Variants in POF1B observed in about 807,000 individuals in gnomAD.
The protein encoded by POF1B is protein POF1B.
POF1B carries 53 observed loss-of-function variants against 55.3 expected under a neutral mutation model. The ratio of observed to expected loss-of-function variants is 0.96; its 90% CI spans 0.77 to 1.20. The LOEUF is 1.20. Ranked by LOEUF, POF1B falls within the 50% of genes most tolerant of loss-of-function variation. The probability of loss-of-function intolerance (pLI) is 0.00; values close to 1 mark genes in which losing one functional copy is unlikely to be tolerated. For missense variants in POF1B, 478 were observed against 420.5 expected, an observed-to-expected ratio of 1.14 and a Z score of -1.20; for synonymous variants, 188 against 148.3, an observed-to-expected ratio of 1.27 and a Z score of -1.95.
intron 6 of POF1B, among the ~76,000 whole-genome samples, chrX:85,340,718 G>C (rs1324480944): frequency 9.0e-6 from 1 of 110,803 alleles, no homozygotes; most frequent in African/African-American, 3.3e-5. Flanking sequence ...GAAGGACAGA[G>C]AGAGTGACCA....
At chrX:85,306,354 C>T in intron 11 of POF1B, 21 bp from the exon 12 acceptor site, 1 of 1,191,399 alleles carries the variant, frequency 8.4e-7, no homozygotes, top group Non-Finnish European at 1.1e-6. Context: ...GACACAAGTA[C>T]ATAAGACAAA....
intron 15 of POF1B, 93 bp downstream of exon 15, chrX:85,303,311 ACT>A (rs1452332083): frequency 1.9e-6 from 1 of 528,220 alleles, no homozygotes; most frequent in African/African-American, 2.4e-5. Context: ...AAAACACCAA[ACT>A]CTGTCTAGCT....
At position 85,293,717 on chromosome X, in the gene POF1B, T is replaced by C. The variant is rs1481430343; in HGVS notation, c.1649+9689A>G. On this transcript the variant is annotated intron_variant, in intron 15 of 16. Coordinates refer to ENST00000262753, the MANE Select transcript of POF1B (RefSeq NM_024921.4). ...GGCCGGGCATGGTGGCTCATGTCTG[T>C]AATCCCAGCACTTTGGGAGGCCAAG... Among the ~76,000 whole-genome samples the C allele has an allele frequency of 2.1e-4, 24 of 112,125 alleles. No individual in the cohort carries two copies. The Admixed American group carries it at 2.3e-3, about 11-fold the overall frequency.
chrX:85,324,027 G>T (rs1932870057), intron 7 of POF1B, among the ~76,000 whole-genome samples: 1 of 112,026 alleles, frequency 8.9e-6, no homozygotes, highest in African/African-American at 3.2e-5. Context: ...ATATGGTTTT[G>T]AGTGAGTTTC....
At chrX:85,342,584 TAA>T (rs1933193261) in intron 6 of POF1B, among the ~76,000 whole-genome samples, 1 of 111,652 alleles carries the variant, frequency 9.0e-6, no homozygotes. Flanking sequence ...TCCGTCCAGC[TAA>T]GTCTATTGCT....
chrX:85,326,914 T>A (rs1306502347), intron 7 of POF1B, among the ~76,000 whole-genome samples: 1 of 110,373 alleles, frequency 9.1e-6, no homozygotes, highest in Non-Finnish European at 1.9e-5. Context: ...AGAGCCAGTC[T>A]GGGGCCGCGG....
At chrX:85,281,991 A>T (rs1017352873) in intron 16 of POF1B, 6 of 301,832 alleles carry the variant, frequency 2.0e-5, no homozygotes, top group Non-Finnish European at 2.7e-5. Context: ...CAAAAATTAT[A>T]TTTATATTAT....
At chrX:85,350,356 C>T (rs1379533183) in intron 5 of POF1B, among the ~76,000 whole-genome samples, 2 of 111,352 alleles carry the variant, frequency 1.8e-5, no homozygotes, top group African/African-American at 3.3e-5. Context: ...CTACAAAGGA[C>T]ATGAACTCAT....
At chrX:85,366,064 A>G (rs1315612732) in intron 3 of POF1B, among the ~76,000 whole-genome samples, 2 of 112,179 alleles carry the variant, frequency 1.8e-5, no homozygotes, top group African/African-American at 6.5e-5. Flanking sequence ...AACAATTTAT[A>G]AAAAATAAAA....
At chrX:85,329,032 G>C (rs1306556056) in intron 7 of POF1B, among the ~76,000 whole-genome samples, 1 of 111,249 alleles carries the variant, frequency 9.0e-6, no homozygotes. Context: ...TGAAGATTTA[G>C]GGAAGGCTTT....
chrX:85,373,638 T>C (rs1933872999), intron 2 of POF1B, among the ~76,000 whole-genome samples: 1 of 111,835 alleles, frequency 8.9e-6, no homozygotes, highest in South Asian at 3.7e-4. Context: ...CTCTACCCTC[T>C]CATGGTTATA....
At chrX:85,306,037 T>C (rs1489880213) in intron 12 of POF1B, 127 bp from the exon 13 acceptor site, 4 of 967,717 alleles carry the variant, frequency 4.1e-6, no homozygotes, top group Non-Finnish European at 5.6e-6. Flanking sequence ...AAAGTGATTT[T>C]CAGGAACTGC....
At chrX:85,348,577 T>A (rs1933317858) in intron 5 of POF1B, among the ~76,000 whole-genome samples, 1 of 111,213 alleles carries the variant, frequency 9.0e-6, no homozygotes, top group Non-Finnish European at 1.9e-5. Flanking sequence ...ATTGTCCTAG[T>A]TTATCTCCAC....
At chrX:85,333,369 T>C (rs1183970375) in intron 6 of POF1B, among the ~76,000 whole-genome samples, 1 of 111,573 alleles carries the variant, frequency 9.0e-6, no homozygotes, top group East Asian at 2.8e-4. Context: ...AAGTCTTGTT[T>C]TCTCAGCACC....
At chrX:85,362,813 A>G (rs930932808) in intron 3 of POF1B, among the ~76,000 whole-genome samples, 1 of 111,446 alleles carries the variant, frequency 9.0e-6, no homozygotes, top group Non-Finnish European at 1.9e-5. Flanking sequence ...TACTTTCAAT[A>G]TGAATGGTAC....
At chrX:85,374,515 T>G (rs1603085478) in intron 2 of POF1B, among the ~76,000 whole-genome samples, 1 of 112,416 alleles carries the variant, frequency 8.9e-6, no homozygotes, top group African/African-American at 3.2e-5. Context: ...AAAGTATAAC[T>G]CTTTATGTTG....
intron 4 of POF1B, among the ~76,000 whole-genome samples, chrX:85,358,146 A>G (rs906105327): frequency 1.4e-4 from 16 of 111,541 alleles, no homozygotes; most frequent in Non-Finnish European, 9.5e-5. Flanking sequence ...GCTTATTCAA[A>G]CTTTCATTTC....
intron 7 of POF1B, among the ~76,000 whole-genome samples, chrX:85,327,325 A>G (rs959055256): frequency 9.0e-6 from 1 of 111,244 alleles, no homozygotes; most frequent in Non-Finnish European, 1.9e-5. Context: ...AGCCCCCATA[A>G]TATTTATTTT....
intron 3 of POF1B, among the ~76,000 whole-genome samples, chrX:85,360,539 A>G (rs1288778209): frequency 7.1e-5 from 6 of 84,341 alleles, no homozygotes; most frequent in African/African-American, 3.4e-4. Context: ...ATATATATAT[A>G]TATATATATA....
Sources: gnomAD v4.1 joint callset for allele counts (sites outside exome capture counted in the v4.1 genomes callset) on GRCh38, gnomAD v4.1.1 for gene constraint, MANE v1.5 for transcripts, NCBI Gene and HGNC (gene_info 2026-07-23, HGNC 2026-07-21) for gene names.